The following SOCS4 variants were observed in gnomAD, a reference collection of about 807,000 sequenced individuals.
SOCS4 encodes the protein SH2 domain containing SOCS box protein.
In SOCS4, 20 loss-of-function variants were observed where a neutral mutation model predicts 34.1. That is an observed-to-expected ratio of 0.59 (90% CI 0.41 to 0.85). The LOEUF is 0.85. Among genes scored for constraint, SOCS4 ranks in the 40% least tolerant of loss-of-function variants. The pLI is 0.00. For missense variants in SOCS4, 479 were observed against 532.4 expected, an observed-to-expected ratio of 0.90 and a Z score of 0.99; for synonymous variants, 180 against 186.4, an observed-to-expected ratio of 0.97 and a Z score of 0.28.
At chr14:55,042,190 T>C (rs755437128) in intron 2 of SOCS4, among the ~76,000 whole-genome samples, 1 of 152,236 alleles carries the variant, frequency 6.6e-6, no homozygotes, top group East Asian at 1.9e-4. Flanking sequence ...TTGCAAATTC[T>C]AGTATGTTTT....
At chr14:55,028,478 G>C (rs1356959088) in intron 1 of SOCS4, among the ~76,000 whole-genome samples, 7 of 151,738 alleles carry the variant, frequency 4.6e-5, no homozygotes, top group Non-Finnish European at 1.0e-4. Context: ...TTTCGTTCAA[G>C]TAACAATATC....
rs2042637487 is a variant in SOCS4 at position 55,043,287 on chromosome 14, T to C, written c.246T>C (p.Cys82=). 6.2e-7 allele frequency: 1 copy of C among 1,614,126 alleles called. No individual in the cohort carries two copies. Among genetic ancestry groups the C allele is most frequent in the Admixed American group, 1.7e-5 (1 of 60,006 alleles). ...SSIELDLDHS[C]GHRFLGRSLK... Reference sequence around the variant, plus strand: ...TTGAGTTGGACTTAGATCATTCCTGTGGGCATCGATTTTTAGGCCGATCTC... The same window carrying C: ...TTGAGTTGGACTTAGATCATTCCTGCGGGCATCGATTTTTAGGCCGATCTC... The change falls in exon 3 of 3, where the codon TGT becomes TGC. Residue 82 remains cysteine, a synonymous_variant. Coordinates refer to ENST00000555846, the MANE Select transcript of SOCS4 (RefSeq NM_199421.2).
rs2042705018 is a variant in SOCS4 at position 55,049,335 on chromosome 14, G to A, written c.*4971G>A. On this transcript the variant is annotated 3_prime_UTR_variant, in exon 3 of 3. Transcript: ENST00000555846. ...GCTATTACTCTCATCAGTCAGGCTT[G>A]TATGATCTATTCCTTACCACAAAAG... The A allele has an allele frequency of 6.0e-6, 1 of 167,038 alleles. No individual in the cohort carries two copies. The highest frequency in any genetic ancestry group is 2.1e-4 in the South Asian group (1 of 4,836). 10.3% of individuals were successfully genotyped at this position (167,038 alleles called of 1,614,324 possible).
chr14:55,039,293 T>G (rs2042597642), intron 2 of SOCS4, among the ~76,000 whole-genome samples: 1 of 152,010 alleles, frequency 6.6e-6, no homozygotes, highest in Non-Finnish European at 1.5e-5. Flanking sequence ...TAAAAATTAG[T>G]CTGGCATGGT....
At chr14:55,033,071 C>T (rs1160000259) in intron 2 of SOCS4, among the ~76,000 whole-genome samples, 3 of 152,100 alleles carry the variant, frequency 2.0e-5, no homozygotes, top group Admixed American at 6.5e-5. Flanking sequence ...TGTGAGCCAC[C>T]GCGCCCGGCC....
At chr14:55,039,748 T>G (rs61975397) in intron 2 of SOCS4, among the ~76,000 whole-genome samples, 1 of 151,982 alleles carries the variant, frequency 6.6e-6, no homozygotes, top group South Asian at 2.1e-4. Context: ...AAAAAAAAAT[T>G]ATCCGGGCAT....
At chr14:55,027,801 T>C (rs1487243421) in intron 1 of SOCS4, 3 of 152,274 alleles carry the variant, frequency 2.0e-5, no homozygotes, top group Admixed American at 2.0e-4. Context: ...TCTTTGCGAC[T>C]CTATATATCC....
chr14:55,043,402 A>G lies in SOCS4; in HGVS notation c.361A>G (p.Lys121Glu). Residue 121 changes from lysine (K) to glutamate (E), a missense_variant, in exon 3 of 3, where the codon AAA (lysine) becomes GAA (glutamate). Coordinates refer to ENST00000555846, the MANE Select transcript of SOCS4 (RefSeq NM_199421.2). ...CTCTTCAGGGCTTCCGTCTAAAAGG[A>G]AAATTCATATCAGTGAACTCATGTT... Reference protein sequence around the residue: ...RHSSGLPSKRKIHISELMLDK... With the variant: ...RHSSGLPSKREIHISELMLDK... The G allele has an allele frequency of 6.2e-7, 1 of 1,614,192 alleles. No homozygotes were observed. The highest frequency in any genetic ancestry group is 8.5e-7 in the Non-Finnish European group (1 of 1,180,040).
In SOCS4 at chr14:55,045,281, T is replaced by C. The variant is rs1416322886; in HGVS notation, c.*917T>C. On this transcript the variant is annotated 3_prime_UTR_variant, in exon 3 of 3. Transcript: ENST00000555846. The stretch of plus-strand genomic sequence containing the variant: ...CTGTTGCTTCTACTTAGCCCTTTTA[T>C]AGAAACTCTGAGCTGTTACTTTGGG... 1.2e-5 allele frequency: 2 copies of C among 167,038 alleles called. No individual in the cohort carries two copies. The highest frequency in any genetic ancestry group is 2.4e-5 in the African/African-American group (1 of 41,470). The allele number at this position is 167,038 out of a possible 1,614,324, so 10.3% of individuals were successfully genotyped here.
rs1055127660 is a variant in SOCS4, at chr14:55,047,356, T to C, written c.*2992T>C. On this transcript the variant is annotated 3_prime_UTR_variant, in exon 3 of 3. Transcript: ENST00000555846. ...GGACATACTCCCACTCCCATTTTTT[T>C]CTAAGCCTACAGCATCTTGATTCAT... 5 of 167,140 alleles carry C rather than the reference T, an allele frequency of 3.0e-5. No individual in the cohort carries two copies. The highest frequency in any genetic ancestry group is 7.2e-5 in the African/African-American group (3 of 41,478). The allele number at this position is 167,140 out of a possible 1,614,324, so 10.4% of individuals were successfully genotyped here.
intron 2 of SOCS4, among the ~76,000 whole-genome samples, chr14:55,041,479 C>CTT (rs879519802): frequency 6.9e-6 from 1 of 145,464 alleles, no homozygotes; most frequent in African/African-American, 2.5e-5. Context: ...TGGCGTAAAT[C>CTT]TTTTTTTTTT....
At chr14:55,041,031 C>T (rs1405963288) in intron 2 of SOCS4, among the ~76,000 whole-genome samples, 3 of 151,796 alleles carry the variant, frequency 2.0e-5, no homozygotes, top group South Asian at 2.1e-4. Flanking sequence ...AGACCACAGG[C>T]GTGCGCCACC....
chr14:55,030,664 C>G (rs2042520526), intron 1 of SOCS4, among the ~76,000 whole-genome samples: 1 of 152,082 alleles, frequency 6.6e-6, no homozygotes, highest in Non-Finnish European at 1.5e-5. Context: ...GTTTTCATAC[C>G]TTTTACTCCT....
chr14:55,045,395 A>C lies in SOCS4; in HGVS notation c.*1031A>C, dbSNP rs1169438339. 2 of 166,986 alleles carry C rather than the reference A, an allele frequency of 1.2e-5. No individual in the cohort carries two copies. Among genetic ancestry groups the C allele is most frequent in the Non-Finnish European group, 2.9e-5 (2 of 68,046 alleles). The allele number at this position is 166,986 out of a possible 1,614,324, so 10.3% of individuals were successfully genotyped here. A position where few individuals can be genotyped will look rare whatever the true frequency, so the allele number is the denominator to read the frequency against. On this transcript the variant is annotated 3_prime_UTR_variant, in exon 3 of 3. Transcript: ENST00000555846. ...TTTTCATTATTTTAAGTTGAATTTGAATAAAGATTCCAGAAATAAACATGG... is the reference window on the plus strand; with the variant it reads ...TTTTCATTATTTTAAGTTGAATTTGCATAAAGATTCCAGAAATAAACATGG...
intron 2 of SOCS4, among the ~76,000 whole-genome samples, chr14:55,037,837 A>G (rs1594612290): frequency 6.6e-6 from 1 of 152,166 alleles, no homozygotes; most frequent in East Asian, 1.9e-4. Flanking sequence ...TAGTTGTAAT[A>G]TCTTTTCTTG....
At position 55,044,041 on chromosome 14, in the gene SOCS4, A is replaced by T; in HGVS notation, c.1000A>T (p.Arg334Ter). Residue 334 changes from arginine to a stop codon, truncating the protein, a stop_gained, in exon 3 of 3, where the codon AGA becomes TGA. Transcript: ENST00000555846. LOFTEE classifies it high-confidence loss of function. ...FRRYSRSLHARIEQWNHNFSF... is the reference protein window; with the variant it reads ...FRRYSRSLHA ...ACGCTATAGTCGTTCTCTTCATGCT[A>T]GAATTGAACAGTGGAATCACAACTT... The T allele has an allele frequency of 6.2e-7, 1 of 1,614,154 alleles. No homozygotes were observed.
At chr14:55,037,974 T>C (rs911855892) in intron 2 of SOCS4, among the ~76,000 whole-genome samples, 3 of 152,248 alleles carry the variant, frequency 2.0e-5, no homozygotes, top group African/African-American at 7.2e-5. Context: ...TCTGTTCTCA[T>C]GCTATTAAAG....
At position 55,043,635 on chromosome 14, in the gene SOCS4, A is replaced by G. The variant is rs747240649; in HGVS notation, c.594A>G (p.Ile198Met). 5.0e-6 allele frequency: 8 copies of G among 1,614,202 alleles called. No individual in the cohort carries two copies. The South Asian group carries it at 8.8e-5, about 18-fold the overall frequency. Reference protein sequence around the residue: ...FSHTNVQPCVITTDNALCREG... With the variant: ...FSHTNVQPCVMTTDNALCREG... The stretch of plus-strand genomic sequence containing the variant: ...ATACCAATGTTCAGCCCTGTGTCAT[A>G]ACCACCGACAATGCTTTGTGTAGAG... Residue 198 changes from isoleucine to methionine, a missense_variant, in exon 3 of 3, where the codon ATA becomes ATG. Physicochemically the swap from Ile to Met is conservative, Grantham distance 10. Transcript: ENST00000555846.
At position 55,043,409 on chromosome 14, in the gene SOCS4, A is replaced by C. The variant is rs146978052; in HGVS notation, c.368A>C (p.His123Pro). ...SSGLPSKRKIHISELMLDKCP... is the reference protein window; with the variant it reads ...SSGLPSKRKIPISELMLDKCP... ...GGGCTTCCGTCTAAAAGGAAAATTC[A>C]TATCAGTGAACTCATGTTAGATAAG... Residue 123 changes from histidine (H) to proline (P), a missense_variant, in exon 3 of 3, where the codon CAT (histidine) becomes CCT (proline). Transcript: ENST00000555846. 3 of 1,614,194 alleles carry C rather than the reference A, an allele frequency of 1.9e-6. No homozygotes were observed. The highest frequency in any genetic ancestry group is 2.5e-6 in the Non-Finnish European group (3 of 1,180,040).
Sources: gnomAD v4.1 joint callset for allele counts (sites outside exome capture counted in the v4.1 genomes callset) on GRCh38, gnomAD v4.1.1 for gene constraint, MANE v1.5 for transcripts, NCBI Gene and HGNC (gene_info 2026-07-23, HGNC 2026-07-21) for gene names.